The following PANK2 variants were observed in gnomAD, a reference collection of about 807,000 sequenced individuals.
The protein encoded by PANK2 is pantothenate kinase 2, mitochondrial.
In PANK2, 36 loss-of-function variants were observed where a neutral mutation model predicts 43.1. The observed-to-expected ratio is 0.84, with a 90% CI of 0.64 to 1.10. The LOEUF (loss-of-function observed/expected upper bound fraction) is 1.10, where lower values mean the gene tolerates loss of function less well. PANK2 is among the 50% of genes least tolerant of loss of function. The pLI is 0.00. For missense variants in PANK2, 576 were observed against 593.3 expected (o/e 0.97, Z 0.30); for synonymous variants, 281 against 238.2 (o/e 1.18, Z -1.66).
At chr20:3,909,302 A>T (rs12480671) in intron 2 of PANK2, among the ~76,000 whole-genome samples, 10,554 of 152,018 alleles carry the variant, frequency 0.069, 446 homozygotes, top group East Asian at 0.14. Flanking sequence ...CTGGTCTCGA[A>T]CTCCTGATCT....
chr20:3,912,677 C>A, intron 4 of PANK2, 43 bp downstream of exon 4: 2 of 1,607,358 alleles, frequency 1.2e-6, no homozygotes, highest in Non-Finnish European at 1.7e-6. Context: ...GCGGGCCGGG[C>A]GCGGTGGCTC....
intron 6 of PANK2, 147 bp downstream of exon 6, chr20:3,918,943 TCACC>T (rs2090606162): frequency 1.4e-6 from 2 of 1,382,388 alleles, no homozygotes; most frequent in African/African-American, 1.4e-5. Context: ...TCTCGCTCTG[TCACC>T]TAGGTTGGAG....
At chr20:3,907,034 A>G (rs999755975) in intron 1 of PANK2, among the ~76,000 whole-genome samples, 1 of 146,122 alleles carries the variant, frequency 6.8e-6, no homozygotes, top group Admixed American at 6.9e-5. Flanking sequence ...TGACCTTGTG[A>G]TTCACCTGCC....
At chr20:3,894,851 G>A (rs551983116) in intron 1 of PANK2, among the ~76,000 whole-genome samples, 6 of 152,318 alleles carry the variant, frequency 3.9e-5, no homozygotes, top group South Asian at 2.1e-4. Context: ...TTATGCAGCT[G>A]TGTAAAATGG....
chr20:3,896,010 G>A (rs1229367740), intron 1 of PANK2, among the ~76,000 whole-genome samples: 2 of 151,970 alleles, frequency 1.3e-5, no homozygotes, highest in African/African-American at 2.4e-5. Flanking sequence ...TCTGGTAAAA[G>A]TGTAGTTCAT....
intron 6 of PANK2, among the ~76,000 whole-genome samples, chr20:3,920,772 G>C (rs1289975696): frequency 6.6e-6 from 1 of 152,060 alleles, no homozygotes; most frequent in Non-Finnish European, 1.5e-5. Flanking sequence ...TTGAACCCGG[G>C]AGGCAGAGGT....
chr20:3,910,553 G>T, intron 2 of PANK2, 24 bp from the exon 3 acceptor site: 2 of 1,613,796 alleles, frequency 1.2e-6, no homozygotes, highest in South Asian at 1.1e-5. Context: ...TAAAAAGTCT[G>T]AGTACATTCT....
chr20:3,911,546 T>G (rs532007104), intron 3 of PANK2, among the ~76,000 whole-genome samples: 1 of 149,842 alleles, frequency 6.7e-6, no homozygotes, highest in Admixed American at 6.7e-5. Context: ...ATTATGCCAC[T>G]GCACTCCAGC....
At chr20:3,920,131 A>G (rs1309319836) in intron 6 of PANK2, among the ~76,000 whole-genome samples, 1 of 152,062 alleles carries the variant, frequency 6.6e-6, no homozygotes, top group African/African-American at 2.4e-5. Flanking sequence ...TTAAACTCGA[A>G]TGTTAGATCT....
In PANK2 at chr20:3,912,645, A is replaced by ATG. The variant is rs778132027; in HGVS notation, c.1082+17_1082+18dup. On this transcript the variant is annotated intron_variant, in intron 4 of 6. Coordinates refer to ENST00000610179, the MANE Select transcript of PANK2 (RefSeq NM_001386393.1). ...GGCTGTGGCTTCAAGGTAAGGGGGC[A>ATG]TGTGTGTTCTAAGAAATACAGGCGG... 6 of 1,613,476 alleles carry ATG rather than the reference A, an allele frequency of 3.7e-6. No individual in the cohort carries two copies. Among genetic ancestry groups the ATG allele is most frequent in the Non-Finnish European group, 5.1e-6 (6 of 1,179,614 alleles).
upstream of PANK2, chr20:3,888,874 T>G (rs2090057445): frequency 2.0e-6 from 1 of 489,542 alleles, no homozygotes; most frequent in South Asian, 3.8e-5. Context: ...CGACGGCAGC[T>G]GCGGAACTAG....
At chr20:3,889,988 T>G in intron 1 of PANK2, 1 of 1,394,022 alleles carries the variant, frequency 7.2e-7, no homozygotes, top group Non-Finnish European at 9.7e-7. Flanking sequence ...CTGTCCTCCC[T>G]TTTCTTAGCT....
chr20:3,893,759 G>A (rs1161823861), intron 1 of PANK2, among the ~76,000 whole-genome samples: 1 of 152,094 alleles, frequency 6.6e-6, no homozygotes, highest in Non-Finnish European at 1.5e-5. Context: ...GCTGTTGGCA[G>A]TATGGAACTG....
chr20:3,910,858 ATTC>A, intron 3 of PANK2, 28 bp downstream of exon 3: 3 of 1,613,480 alleles, frequency 1.9e-6, no homozygotes, highest in Non-Finnish European at 2.5e-6. Context: ...CTCACTGTTT[ATTC>A]TTAGTATCCT....
intron 1 of PANK2, among the ~76,000 whole-genome samples, chr20:3,897,509 C>T (rs146754622): frequency 3.4e-4 from 51 of 151,306 alleles, no homozygotes; most frequent in African/African-American, 1.1e-3. Flanking sequence ...GAGACCAGTC[C>T]GGGCAACATG....
chr20:3,897,634 G>C lies in PANK2; in HGVS notation c.298+7906G>C, dbSNP rs527591453. Among the ~76,000 whole-genome samples the C allele has an allele frequency of 5.5e-4, 83 of 152,056 alleles. 2 individuals carry two copies. The South Asian group carries it at 0.016, about 30-fold the overall frequency. ...TTGAGCCAGGGAGGTTGAGGCTGCA[G>C]TGAGCCTGAACCTGGTGATTGTACC... On this transcript the variant is annotated intron_variant, in intron 1 of 6. Transcript: ENST00000610179.
In PANK2 at chr20:3,923,270, C is replaced by G. The variant is rs768706632; in HGVS notation, c.1359C>G (p.Leu453=). ...GTTATTTTGGAGCTGTTGGAGCACT[C>G]CTTGAGCTGTTGAAGATCCCGTGAT... is the stretch of plus-strand genomic sequence containing the variant. Residue 453 remains leucine (L), a synonymous_variant, in exon 7 of 7, where the codon CTC becomes CTG. Coordinates refer to ENST00000610179, the MANE Select transcript of PANK2 (RefSeq NM_001386393.1). The G allele has an allele frequency of 6.2e-7, 1 of 1,613,974 alleles. No homozygotes were observed. Among genetic ancestry groups the G allele is most frequent in the Non-Finnish European group, 8.5e-7 (1 of 1,180,018 alleles).
intron 1 of PANK2, among the ~76,000 whole-genome samples, chr20:3,900,444 TC>T (rs2090283256): frequency 1.3e-5 from 2 of 151,834 alleles, no homozygotes; most frequent in African/African-American, 4.8e-5. Context: ...TATCTAGTAT[TC>T]ATCTCTAGTG....
At chr20:3,889,838 C>T (rs781312632) in intron 1 of PANK2, 110 bp downstream of exon 1, 38 of 1,536,402 alleles carry the variant, frequency 2.5e-5, no homozygotes, top group African/African-American at 5.5e-5. Flanking sequence ...ACTGTCCCCG[C>T]ACGGTGGTCC....
Sources: allele counts gnomAD v4.1 joint callset (sites outside exome capture counted in the v4.1 genomes callset), GRCh38; gene constraint gnomAD v4.1.1; transcripts MANE v1.5; gene names NCBI Gene and HGNC (gene_info 2026-07-23, HGNC 2026-07-21).